Variants in MAP4K3 observed in about 807,000 individuals in gnomAD.
MAP4K3 encodes MAPK/ERK kinase kinase kinase 3.
Under a neutral mutation model 143.5 loss-of-function variants are expected in MAP4K3, and 94 were observed. The ratio of observed to expected loss-of-function variants is 0.65; its 90% CI spans 0.55 to 0.78. The LOEUF (loss-of-function observed/expected upper bound fraction) is 0.78. Ranked by LOEUF, MAP4K3 falls within the 30% of genes least tolerant of loss-of-function variation. The pLI, the probability that MAP4K3 is intolerant of heterozygous loss-of-function variation, is 0.00. For missense variants in MAP4K3, 1,077 were observed against 1,068.1 expected (o/e 1.01, Z -0.12); for synonymous variants, 416 against 347.2 (o/e 1.20, Z -2.20).
intron 3 of MAP4K3, among the ~76,000 whole-genome samples, chr2:39,354,620 C>G (rs1156240861): frequency 6.6e-6 from 1 of 151,854 alleles, no homozygotes; most frequent in Non-Finnish European, 1.5e-5. Flanking sequence ...TGAGATCATG[C>G]CACTGCACTC....
chr2:39,395,825 G>A (rs191420822), intron 1 of MAP4K3, among the ~76,000 whole-genome samples: 19 of 152,120 alleles, frequency 1.2e-4, no homozygotes, highest in African/African-American at 4.3e-4. Flanking sequence ...GTTAAAAGGA[G>A]GGGGAGAAAC....
chr2:39,394,107 A>C (rs1429973640), intron 1 of MAP4K3, among the ~76,000 whole-genome samples: 2 of 152,230 alleles, frequency 1.3e-5, no homozygotes, highest in Non-Finnish European at 2.9e-5. Context: ...TATGCTTTAT[A>C]AAAATTTTTC....
At chr2:39,280,396 G>C (rs907883542) in intron 22 of MAP4K3, 40 bp from the exon 23 acceptor site, 2 of 1,189,328 alleles carry the variant, frequency 1.7e-6, no homozygotes, top group Non-Finnish European at 2.5e-6. Context: ...ACAGTGACAA[G>C]TAACAGTCTT....
chr2:39,287,824 G>C (rs1443003983), intron 20 of MAP4K3, among the ~76,000 whole-genome samples: 3 of 152,202 alleles, frequency 2.0e-5, no homozygotes, highest in African/African-American at 7.2e-5. Context: ...TTTGTTCATA[G>C]TTTAATTTGC....
In MAP4K3 at chr2:39,337,752, G is replaced by GTTTTTTTTT. The variant is rs570853243; in HGVS notation, c.311-180_311-172dup. Among the ~76,000 whole-genome samples, 120 of 70,522 alleles carry GTTTTTTTTT rather than the reference G, an allele frequency of 1.7e-3. 14 individuals are homozygous for GTTTTTTTTT. Among genetic ancestry groups the GTTTTTTTTT allele is most frequent in the African/African-American group, 5.4e-3 (89 of 16,486 alleles). The allele number at this position is 70,522 out of a possible 152,430, so 46.3% of individuals were successfully genotyped here. Reference sequence around the variant, plus strand: ...TACTGTCCTACTGTGCCTGGCTCCAGTTTTTTTTTTTTTTTTTTTTTTTTT... The same window carrying GTTTTTTTTT: ...TACTGTCCTACTGTGCCTGGCTCCAGTTTTTTTTTTTTTTTTTTTTTTTTTTTTTTTTTT... On this transcript the variant is annotated intron_variant, in intron 4 of 33. Coordinates refer to ENST00000263881, the MANE Select transcript of MAP4K3 (RefSeq NM_003618.4).
At chr2:39,280,226 G>C (rs200205659) in intron 23 of MAP4K3, 46 bp downstream of exon 23, 15 of 1,147,144 alleles carry the variant, frequency 1.3e-5, no homozygotes, top group Admixed American at 2.4e-5. Context: ...CATGGCCCCA[G>C]TTTTAAAAAA....
chr2:39,281,613 A>G lies in MAP4K3; in HGVS notation c.1629+900T>C, dbSNP rs568007317. ...TTCCCAATCTTAAGCTAATTTGTAT[A>G]GCTGGAGTCTACCTGGCATTCCACA... On this transcript the variant is annotated intron_variant, in intron 22 of 33. Transcript: ENST00000263881. Among the ~76,000 whole-genome samples, 31 of 152,280 alleles carry G rather than the reference A, an allele frequency of 2.0e-4. No homozygotes were observed. The South Asian group carries it at 2.9e-3, about 14-fold the overall frequency.
At chr2:39,256,604 G>C (rs1203082305) in intron 31 of MAP4K3, among the ~76,000 whole-genome samples, 1 of 152,108 alleles carries the variant, frequency 6.6e-6, no homozygotes, top group Non-Finnish European at 1.5e-5. Context: ...TTTACTATTT[G>C]ATAATGTGTA....
At chr2:39,274,383 AT>A (rs991210510) in intron 24 of MAP4K3, among the ~76,000 whole-genome samples, 9 of 148,242 alleles carry the variant, frequency 6.1e-5, no homozygotes, top group South Asian at 2.1e-4. Context: ...CGCCCGGCTA[AT>A]TTTTTTTTTG....
chr2:39,300,153 T>G (rs1298046816), intron 15 of MAP4K3, among the ~76,000 whole-genome samples: 1 of 152,168 alleles, frequency 6.6e-6, no homozygotes, highest in Non-Finnish European at 1.5e-5. Context: ...GAGAAGTGAA[T>G]ATGTGACAAA....
In MAP4K3 at chr2:39,254,446, T is replaced by A; in HGVS notation, c.2541+4A>T. ...TGACTACTTAATGGACATAATTTAC[T>A]TACCTCATTAGATCTAAAACTTCTA... is the stretch of plus-strand genomic sequence containing the variant. On this transcript the variant is annotated splice_donor_region_variant and intron_variant, in intron 32 of 33. Coordinates refer to ENST00000263881, the MANE Select transcript of MAP4K3 (RefSeq NM_003618.4). 1 of 1,612,138 alleles carries A rather than the reference T, an allele frequency of 6.2e-7. No individual in the cohort carries two copies. Among genetic ancestry groups the A allele is most frequent in the South Asian group, 1.1e-5 (1 of 90,996 alleles).
chr2:39,265,154 T>C (rs746366940), intron 28 of MAP4K3, 49 bp downstream of exon 28: 1 of 1,212,448 alleles, frequency 8.2e-7, no homozygotes, highest in Non-Finnish European at 1.2e-6. Context: ...AACAGTAAGG[T>C]TGACAAGCTT....
chr2:39,337,034 A>G, intron 5 of MAP4K3, 67 bp from the exon 6 acceptor site: 1 of 733,274 alleles, frequency 1.4e-6, no homozygotes, highest in Non-Finnish European at 2.4e-6. Context: ...GATTTTATGT[A>G]ATCAAATGGG....
Position 39,252,289 on chromosome 2 carries a change from T to A in MAP4K3, c.2542-404A>T, listed in dbSNP as rs140615343. Among the ~76,000 whole-genome samples the A allele has an allele frequency of 2.9e-3, 446 of 152,344 alleles. 2 individuals are homozygous for A. The highest frequency in any genetic ancestry group is 0.01 in the African/African-American group (433 of 41,584). On this transcript the variant is annotated intron_variant, in intron 32 of 33. Coordinates refer to ENST00000263881, the MANE Select transcript of MAP4K3 (RefSeq NM_003618.4). ...GGCTGCCACGTAGTGTAACAGGAAA[T>A]ATTTAAAAGGCAGACATGCCTTGAG...
intron 2 of MAP4K3, among the ~76,000 whole-genome samples, chr2:39,361,220 A>C (rs1319205391): frequency 6.6e-6 from 1 of 152,044 alleles, no homozygotes; most frequent in African/African-American, 2.4e-5. Flanking sequence ...TCTACATTAT[A>C]GCAATTATAT....
chr2:39,282,460 C>T lies in MAP4K3; in HGVS notation c.1629+53G>A, dbSNP rs75489393. 2,465 of 1,405,596 alleles carry T rather than the reference C, an allele frequency of 1.8e-3. 41 individuals are homozygous for T. The East Asian group carries it at 0.029, about 17-fold the overall frequency. 87.1% of individuals were successfully genotyped at this position (1,405,596 alleles called of 1,614,324 possible). ...GACAAAAAAACCTAAGCAAAGATAA[C>T]ACACACAAGTGACTTAGCTTGAAAC... On this transcript the variant is annotated intron_variant, in intron 22 of 33. Coordinates refer to ENST00000263881, the MANE Select transcript of MAP4K3 (RefSeq NM_003618.4).
rs74531906 is a variant in MAP4K3 at position 39,277,219 on chromosome 2, A to G, written c.1794+1188T>C. ...TCTGCCTGCCTACCCAGCTCCATCT[A>G]TTGTTACCATTCTGTACTCCAGTCA... On this transcript the variant is annotated intron_variant, in intron 24 of 33. Coordinates refer to ENST00000263881, the MANE Select transcript of MAP4K3 (RefSeq NM_003618.4). Among the ~76,000 whole-genome samples the G allele has an allele frequency of 1.7e-3, 262 of 152,238 alleles. 6 individuals are homozygous for G. In the East Asian group the frequency reaches 0.025, roughly 14 times the overall value.
rs555902121 is a variant in MAP4K3, at chr2:39,348,793, A to G, written c.246-5341T>C. Among the ~76,000 whole-genome samples the G allele has an allele frequency of 1.2e-4, 19 of 152,310 alleles. No homozygotes were observed. In the South Asian group the frequency reaches 3.7e-3, roughly 30 times the overall value. Reference sequence around the variant, plus strand: ...GGAAAAGTTAACTATTTTGATGTCTACCAGAGCATACAGGGACCAAAATTC... The same window carrying G: ...GGAAAAGTTAACTATTTTGATGTCTGCCAGAGCATACAGGGACCAAAATTC... On this transcript the variant is annotated intron_variant, in intron 3 of 33. Transcript: ENST00000263881.
intron 24 of MAP4K3, among the ~76,000 whole-genome samples, chr2:39,276,393 A>C (rs1011426500): frequency 6.6e-6 from 1 of 152,164 alleles, no homozygotes; most frequent in African/African-American, 2.4e-5. Context: ...ACGGTCATTC[A>C]ATTCGGTCAA....
Sources: allele counts gnomAD v4.1 joint callset (sites outside exome capture counted in the v4.1 genomes callset), GRCh38; gene constraint gnomAD v4.1.1; transcripts MANE v1.5; gene names NCBI Gene and HGNC (gene_info 2026-07-23, HGNC 2026-07-21).